PCSK2: variants seen among roughly 807,000 people sequenced by gnomAD.
PCSK2 encodes proprotein convertase subtilisin/kexin type 2, also known as neuroendocrine convertase 2.
PCSK2 carries 14 observed loss-of-function variants against 69.7 expected under a neutral mutation model. The observed-to-expected ratio is 0.20, with a 90% CI of 0.13 to 0.31. The LOEUF (loss-of-function observed/expected upper bound fraction) is 0.31, where lower values mean the gene tolerates loss of function less well. Among genes scored for constraint, PCSK2 ranks in the 10% least tolerant of loss-of-function variants. The pLI is 1.00. For missense variants in PCSK2, 544 were observed against 842.5 expected, an observed-to-expected ratio of 0.65 and a Z score of 4.39; for synonymous variants, 307 against 320.7, an observed-to-expected ratio of 0.96 and a Z score of 0.46.
chr20:17,373,293 G>A (rs958950735), intron 5 of PCSK2, among the ~76,000 whole-genome samples: 3 of 152,214 alleles, frequency 2.0e-5, no homozygotes, highest in Non-Finnish European at 4.4e-5. Context: ...GCAGCTCTGG[G>A]AGACAGCATA....
At chr20:17,467,901 C>T (rs1347301848) in intron 11 of PCSK2, among the ~76,000 whole-genome samples, 2 of 152,204 alleles carry the variant, frequency 1.3e-5, no homozygotes, top group Non-Finnish European at 2.9e-5. Context: ...ACAGTAATCT[C>T]CTAGAGTTTT....
intron 11 of PCSK2, among the ~76,000 whole-genome samples, chr20:17,477,293 T>G (rs1390408427): frequency 6.6e-6 from 1 of 152,168 alleles, no homozygotes; most frequent in Non-Finnish European, 1.5e-5. Flanking sequence ...CCAGTACATG[T>G]GCCAAGCATT....
At chr20:17,327,827 T>G (rs1192883310) in intron 2 of PCSK2, among the ~76,000 whole-genome samples, 2 of 152,250 alleles carry the variant, frequency 1.3e-5, no homozygotes, top group African/African-American at 4.8e-5. Context: ...AACACACCAT[T>G]AATTTCACTG....
intron 4 of PCSK2, among the ~76,000 whole-genome samples, chr20:17,367,787 C>T (rs1224213607): frequency 1.3e-5 from 2 of 152,202 alleles, no homozygotes; most frequent in Non-Finnish European, 1.5e-5. Flanking sequence ...CGTGAGCCAC[C>T]ATGCCTGACC....
intron 8 of PCSK2, among the ~76,000 whole-genome samples, chr20:17,437,190 G>C (rs2123352219): frequency 6.6e-6 from 1 of 152,350 alleles, no homozygotes. Context: ...GCCCATCACA[G>C]ACAGAAAGGG....
At chr20:17,457,905 T>C (rs775328288) in intron 10 of PCSK2, among the ~76,000 whole-genome samples, 11 of 152,212 alleles carry the variant, frequency 7.2e-5, no homozygotes, top group Non-Finnish European at 1.5e-4. Context: ...CCTATGCCTA[T>C]GCCTAGATCC....
intron 5 of PCSK2, among the ~76,000 whole-genome samples, chr20:17,408,723 A>G (rs2031807235): frequency 6.6e-6 from 1 of 152,252 alleles, no homozygotes; most frequent in African/African-American, 2.4e-5. Flanking sequence ...GAGTGAATAA[A>G]TAAGGTCAAT....
chr20:17,444,656 G>A (rs2032664727), intron 8 of PCSK2, among the ~76,000 whole-genome samples: 1 of 152,204 alleles, frequency 6.6e-6, no homozygotes, highest in African/African-American at 2.4e-5. Flanking sequence ...AGTTTATTGG[G>A]AAGGTGAAGA....
chr20:17,304,249 T>C (rs1194451083), intron 2 of PCSK2, among the ~76,000 whole-genome samples: 2 of 152,148 alleles, frequency 1.3e-5, no homozygotes. Flanking sequence ...GTTTTTGTGT[T>C]TTTATTCACA....
At chr20:17,274,581 T>C (rs553965752) in intron 2 of PCSK2, among the ~76,000 whole-genome samples, 1 of 152,156 alleles carries the variant, frequency 6.6e-6, no homozygotes, top group Non-Finnish European at 1.5e-5. Context: ...GAGATTGATA[T>C]ACCGTGGGGA....
chr20:17,480,833 G>A (rs1235877544), intron 11 of PCSK2, among the ~76,000 whole-genome samples: 1 of 152,204 alleles, frequency 6.6e-6, no homozygotes, highest in Non-Finnish European at 1.5e-5. Context: ...GTCAGTCACT[G>A]GGAGAGAGCT....
intron 2 of PCSK2, among the ~76,000 whole-genome samples, chr20:17,321,993 G>A (rs182486640): frequency 2.0e-5 from 3 of 151,942 alleles, no homozygotes; most frequent in Non-Finnish European, 4.4e-5. Flanking sequence ...CTGGCATTTA[G>A]AGGTGTTTAA....
At chr20:17,354,651 T>C (rs1357969582) in intron 2 of PCSK2, among the ~76,000 whole-genome samples, 1 of 152,188 alleles carries the variant, frequency 6.6e-6, no homozygotes, top group Non-Finnish European at 1.5e-5. Context: ...TAAATTGTGG[T>C]ATATGACTCT....
chr20:17,253,517 G>T (rs537528465), intron 1 of PCSK2, among the ~76,000 whole-genome samples: 1 of 152,094 alleles, frequency 6.6e-6, no homozygotes, highest in Non-Finnish European at 1.5e-5. Flanking sequence ...AGGTTCTTCC[G>T]TGTTTTTACC....
chr20:17,278,551 C>A (rs1305238096), intron 2 of PCSK2, among the ~76,000 whole-genome samples: 1 of 152,054 alleles, frequency 6.6e-6, no homozygotes, highest in Non-Finnish European at 1.5e-5. Flanking sequence ...AGGGGAACAT[C>A]ACACACCAGG....
At chr20:17,430,714 C>T (rs2032346030) in intron 7 of PCSK2, among the ~76,000 whole-genome samples, 1 of 152,138 alleles carries the variant, frequency 6.6e-6, no homozygotes, top group Non-Finnish European at 1.5e-5. Context: ...AAGAATATCA[C>T]TCGGTTAATA....
chr20:17,304,515 T>C (rs1013134640), intron 2 of PCSK2, among the ~76,000 whole-genome samples: 1 of 152,208 alleles, frequency 6.6e-6, no homozygotes, highest in Non-Finnish European at 1.5e-5. Context: ...GAAGCTATTG[T>C]AGGGACACTG....
At chr20:17,229,581 G>A (rs1986070884) in intron 1 of PCSK2, among the ~76,000 whole-genome samples, 1 of 151,798 alleles carries the variant, frequency 6.6e-6, no homozygotes, top group Non-Finnish European at 1.5e-5. Flanking sequence ...TTCTTGGAGA[G>A]GAGCACACTG....
intron 2 of PCSK2, among the ~76,000 whole-genome samples, chr20:17,297,462 C>T (rs116787765): frequency 0.014 from 2,200 of 152,268 alleles, 49 homozygotes; most frequent in African/African-American, 0.05. Flanking sequence ...ATGGACTTAT[C>T]ATGAATGGAT....
Sources: gnomAD v4.1 joint callset for allele counts (sites outside exome capture counted in the v4.1 genomes callset) on GRCh38, gnomAD v4.1.1 for gene constraint, MANE v1.5 for transcripts, NCBI Gene and HGNC (gene_info 2026-07-23, HGNC 2026-07-21) for gene names.